Variants in ASIC2 observed in about 807,000 individuals in gnomAD.
The protein encoded by ASIC2 is acid-sensing ion channel 2.
ASIC2 carries 25 observed loss-of-function variants against 57.3 expected under a neutral mutation model. The observed-to-expected ratio is 0.44, with a 90% CI of 0.32 to 0.61. The LOEUF (loss-of-function observed/expected upper bound fraction) is 0.61, where lower values mean the gene tolerates loss of function less well. ASIC2 is among the 20% of genes least tolerant of loss of function. The pLI is 0.06. For missense variants in ASIC2, 641 were observed against 738.1 expected (o/e 0.87, Z 1.52); for synonymous variants, 319 against 307.5 (o/e 1.04, Z -0.39).
chr17:33,943,158 G>A (rs1454730629), intron 1 of ASIC2, among the ~76,000 whole-genome samples: 1 of 152,198 alleles, frequency 6.6e-6, no homozygotes, highest in Non-Finnish European at 1.5e-5. Context: ...AATTCTGGAC[G>A]AGCCTTTTAT....
chr17:33,246,882 T>A (rs1597649486), intron 1 of ASIC2, among the ~76,000 whole-genome samples: 1 of 152,040 alleles, frequency 6.6e-6, no homozygotes, highest in Non-Finnish European at 1.5e-5. Flanking sequence ...CATTGAGGGT[T>A]CCCCAGCACA....
chr17:33,819,372 A>G (rs1912682078), intron 1 of ASIC2, among the ~76,000 whole-genome samples: 1 of 152,244 alleles, frequency 6.6e-6, no homozygotes, highest in Non-Finnish European at 1.5e-5. Flanking sequence ...GAAGCTGTAC[A>G]GATACTTGGT....
At chr17:33,480,823 C>T (rs1404167788) in intron 1 of ASIC2, among the ~76,000 whole-genome samples, 2 of 152,148 alleles carry the variant, frequency 1.3e-5, no homozygotes, top group African/African-American at 4.8e-5. Context: ...ACACCTTGGA[C>T]CTGACCATCA....
chr17:33,152,048 C>G (rs1457806356), intron 1 of ASIC2, among the ~76,000 whole-genome samples: 1 of 152,154 alleles, frequency 6.6e-6, no homozygotes, highest in Non-Finnish European at 1.5e-5. Flanking sequence ...TAAGGGTCTA[C>G]CATTTAATGT....
chr17:33,154,332 G>GC (rs1367544085), intron 1 of ASIC2, among the ~76,000 whole-genome samples: 1 of 152,166 alleles, frequency 6.6e-6, no homozygotes, highest in Non-Finnish European at 1.5e-5. Flanking sequence ...ATAGACATGT[G>GC]CCACCATGTT....
At chr17:33,579,221 G>A (rs1053086561) in intron 1 of ASIC2, among the ~76,000 whole-genome samples, 2 of 149,672 alleles carry the variant, frequency 1.3e-5, no homozygotes, top group African/African-American at 2.5e-5. Flanking sequence ...GGGAGGCAGA[G>A]GTTGCAGTGA....
At chr17:33,291,149 T>TG in intron 1 of ASIC2, 1 of 652,952 alleles carries the variant, frequency 1.5e-6, no homozygotes, top group Non-Finnish European at 2.3e-6. Flanking sequence ...ATGAGGGCTT[T>TG]GGGGGCTGAC....
intron 1 of ASIC2, among the ~76,000 whole-genome samples, chr17:33,685,336 G>A (rs541734113): frequency 5.9e-5 from 9 of 152,204 alleles, no homozygotes; most frequent in South Asian, 4.2e-4. Context: ...AGGCCACCTC[G>A]CGCTCCTCCA....
intron 1 of ASIC2, among the ~76,000 whole-genome samples, chr17:33,229,022 T>A (rs1419505366): frequency 6.6e-6 from 1 of 152,174 alleles, no homozygotes; most frequent in East Asian, 1.9e-4. Flanking sequence ...CTGAGAAGTT[T>A]CATCCAGAGG....
chr17:33,348,964 T>G (rs1042380511), intron 1 of ASIC2, among the ~76,000 whole-genome samples: 1 of 152,092 alleles, frequency 6.6e-6, no homozygotes, highest in Admixed American at 6.5e-5. Context: ...GGCAAACAAA[T>G]CCACTAGGGA....
intron 1 of ASIC2, among the ~76,000 whole-genome samples, chr17:33,304,763 C>A (rs547295083): frequency 6.6e-6 from 1 of 152,280 alleles, no homozygotes; most frequent in East Asian, 1.9e-4. Flanking sequence ...TAAAAACAAA[C>A]TCAGATGCGA....
At chr17:33,169,430 AT>A (rs1330170257) in intron 1 of ASIC2, among the ~76,000 whole-genome samples, 1 of 152,232 alleles carries the variant, frequency 6.6e-6, no homozygotes, top group Non-Finnish European at 1.5e-5. Context: ...GTGAAAATTC[AT>A]TTAGATGAGA....
intron 1 of ASIC2, among the ~76,000 whole-genome samples, chr17:33,857,603 C>A (rs1393985704): frequency 6.6e-6 from 1 of 152,184 alleles, no homozygotes; most frequent in African/African-American, 2.4e-5. Context: ...TAAATCCGAA[C>A]TCTTATTTTG....
At chr17:33,518,452 T>C (rs1220387366) in intron 1 of ASIC2, among the ~76,000 whole-genome samples, 2 of 152,154 alleles carry the variant, frequency 1.3e-5, no homozygotes, top group African/African-American at 4.8e-5. Flanking sequence ...AGGCAGCAGG[T>C]GCAGTGGGCT....
intron 3 of ASIC2, among the ~76,000 whole-genome samples, chr17:33,085,937 T>C (rs186712620): frequency 9.8e-5 from 15 of 152,314 alleles, no homozygotes; most frequent in Non-Finnish European, 1.8e-4. Context: ...TTATTAGTTA[T>C]AATAATCATG....
Position 33,836,748 on chromosome 17 carries a change from G to C in ASIC2, c.555+319230C>G, listed in dbSNP as rs566863777. 1.1e-4 allele frequency among the ~76,000 whole-genome samples: 17 copies of C among 152,192 alleles called. No homozygotes were observed. The South Asian group carries it at 3.3e-3, about 30-fold the overall frequency. On this transcript the variant is annotated intron_variant, in intron 1 of 9. Coordinates refer to the ASIC2 transcript ENST00000359872. ...TGCGCCTGTAATCCCAGCTACTCAG[G>C]AGGCTGAGGCAGGAGAGTCGCTTGA...
At chr17:33,705,845 C>T (rs909702847) in intron 1 of ASIC2, among the ~76,000 whole-genome samples, 10 of 152,204 alleles carry the variant, frequency 6.6e-5, no homozygotes, top group African/African-American at 1.4e-4. Context: ...AAAACTGGTA[C>T]GATGTTCAAG....
intron 1 of ASIC2, among the ~76,000 whole-genome samples, chr17:34,154,115 C>T (rs1006350914): frequency 6.6e-5 from 10 of 152,206 alleles, no homozygotes; most frequent in African/African-American, 1.9e-4. Flanking sequence ...CTCTGTGTCA[C>T]CCTCTGTGTC....
At chr17:33,069,878 T>G (rs1033409139) in intron 3 of ASIC2, among the ~76,000 whole-genome samples, 1 of 152,234 alleles carries the variant, frequency 6.6e-6, no homozygotes, top group Non-Finnish European at 1.5e-5. Flanking sequence ...ATTATTTTGT[T>G]ATATGTGTTC....
Sources: allele counts gnomAD v4.1 joint callset (sites outside exome capture counted in the v4.1 genomes callset), GRCh38; gene constraint gnomAD v4.1.1; transcripts MANE v1.5; gene names NCBI Gene and HGNC (gene_info 2026-07-23, HGNC 2026-07-21).